ZNF280D: variants seen among roughly 807,000 people sequenced by gnomAD.
ZNF280D encodes the protein zinc finger protein 280D, also known as suppressor of hairy wing homolog 4.
In ZNF280D, 39 loss-of-function variants were observed where a neutral mutation model predicts 94.7. The observed-to-expected ratio is 0.41, with a 90% CI of 0.32 to 0.54. The LOEUF (loss-of-function observed/expected upper bound fraction) is 0.54, where lower values mean the gene tolerates loss of function less well. Among genes scored for constraint, ZNF280D ranks in the 20% least tolerant of loss-of-function variants. The pLI is 0.22. For missense variants in ZNF280D, 1,090 were observed against 1,149.3 expected (o/e 0.95, Z 0.75); for synonymous variants, 398 against 377.6 (o/e 1.05, Z -0.63).
chr15:56,726,993 T>C (rs2058660361), intron 1 of ZNF280D, among the ~76,000 whole-genome samples: 1 of 152,166 alleles, frequency 6.6e-6, no homozygotes, highest in Non-Finnish European at 1.5e-5. Flanking sequence ...TTTATACTAT[T>C]TTAACCCCCC....
At chr15:56,669,512 A>G (rs551505551) in intron 13 of ZNF280D, among the ~76,000 whole-genome samples, 7 of 151,970 alleles carry the variant, frequency 4.6e-5, no homozygotes, top group African/African-American at 1.7e-4. Flanking sequence ...CACTAGCCAC[A>G]TGTGGTTATT....
chr15:56,716,589 G>C (rs2058057835), intron 1 of ZNF280D, among the ~76,000 whole-genome samples: 1 of 151,454 alleles, frequency 6.6e-6, no homozygotes, highest in Non-Finnish European at 1.5e-5. Flanking sequence ...AAGCACCTAT[G>C]GACTGTGTTA....
intron 13 of ZNF280D, among the ~76,000 whole-genome samples, chr15:56,670,004 TATATA>T (rs1202015547): frequency 0.26 from 395 of 1,526 alleles, 126 homozygotes; most frequent in African/African-American, 0.36. Flanking sequence ...ATATTATATA[TATATA>T]ATATATATAT....
At chr15:56,720,976 G>GA (rs1870795388) in intron 1 of ZNF280D, among the ~76,000 whole-genome samples, 1 of 71,156 alleles carries the variant, frequency 1.4e-5, no homozygotes, top group Non-Finnish European at 3.3e-5. Context: ...TTTTTGGGGG[G>GA]GGGGGGGACA....
chr15:56,660,857 T>C (rs1320611848), intron 16 of ZNF280D, among the ~76,000 whole-genome samples: 2 of 152,034 alleles, frequency 1.3e-5, no homozygotes, highest in Non-Finnish European at 2.9e-5. Flanking sequence ...GTAACAACCT[T>C]ACTTTCTAAG....
intron 19 of ZNF280D, among the ~76,000 whole-genome samples, chr15:56,648,009 G>GA (rs1237368476): frequency 2.6e-5 from 4 of 152,162 alleles, no homozygotes; most frequent in Admixed American, 2.0e-4. Context: ...TTGCAGATGA[G>GA]AAAATCTGAG....
intron 9 of ZNF280D, among the ~76,000 whole-genome samples, chr15:56,688,407 C>T (rs937476370): frequency 2.1e-5 from 3 of 145,424 alleles, no homozygotes; most frequent in African/African-American, 5.1e-5. Context: ...AGGAGAATGG[C>T]GTGAACCTGG....
At chr15:56,670,261 A>C (rs1177236331) in intron 13 of ZNF280D, among the ~76,000 whole-genome samples, 2 of 150,080 alleles carry the variant, frequency 1.3e-5, no homozygotes, top group Non-Finnish European at 3.0e-5. Flanking sequence ...TACACAGGTA[A>C]ACGTGTATCC....
intron 1 of ZNF280D, chr15:56,724,760 T>C (rs998425024): frequency 5.8e-5 from 18 of 308,476 alleles, no homozygotes; most frequent in Non-Finnish European, 1.1e-4. Context: ...AATCAAAGAA[T>C]AGAAAGACAT....
intron 6 of ZNF280D, among the ~76,000 whole-genome samples, chr15:56,695,533 CTT>C (rs10652553): frequency 5.7e-5 from 8 of 140,746 alleles, no homozygotes; most frequent in Admixed American, 1.4e-4. Flanking sequence ...CAAAAATTAA[CTT>C]TTTTTTTTTT....
chr15:56,714,634 G>A (rs184177592), intron 1 of ZNF280D, among the ~76,000 whole-genome samples: 1 of 152,178 alleles, frequency 6.6e-6, no homozygotes, highest in East Asian at 1.9e-4. Context: ...AAAAGATAGA[G>A]CAATGAGGCC....
chr15:56,631,767 C>G lies in ZNF280D; in HGVS notation c.2671G>C (p.Val891Leu). 6.2e-7 allele frequency: 1 copy of G among 1,614,170 alleles called. No homozygotes were observed. ...TTTCTCAAAAACTGATCAATGCTTA[C>G]ATTATCTGATGCTAATCGCAAATCC... ...IKDLRLASDN[V>L]SIDQFLRKRH... The change falls in exon 22 of 22, where the codon GTA (valine) becomes CTA (leucine). Residue 891 changes from valine (V) to leucine (L), a missense_variant. Transcript: ENST00000267807.
Position 56,689,384 on chromosome 15 carries a change from T to C in ZNF280D, c.586A>G (p.Ser196Gly), listed in dbSNP as rs770734128. 2 of 1,610,224 alleles carry C rather than the reference T, an allele frequency of 1.2e-6. No homozygotes were observed. Among genetic ancestry groups the C allele is most frequent in the Non-Finnish European group, 8.5e-7 (1 of 1,178,156 alleles). The change falls in exon 8 of 22, where the codon AGT becomes GGT. Residue 196 changes from serine (S) to glycine (G), a missense_variant. Around this residue, in one of 3 missense-constraint regions of ZNF280D, gnomAD observed 386 missense variants for 372.0 expected, o/e 1.04. Coordinates refer to ENST00000267807, the MANE Select transcript of ZNF280D (RefSeq NM_017661.4). ...GCTGAGGAATTTGCTCCAGAAACAC[T>C]TTCGCTGGGTTTAGGCTTCTTTGGA... Reference protein sequence around the residue: ...VNPKKPKPSESVSGANSSAVL... With the variant: ...VNPKKPKPSEGVSGANSSAVL...
chr15:56,633,626 G>A (rs1329347267), intron 21 of ZNF280D, among the ~76,000 whole-genome samples: 1 of 151,918 alleles, frequency 6.6e-6, no homozygotes, highest in Admixed American at 6.6e-5. Context: ...GAATAGCTGG[G>A]ATTACAGGCA....
Position 56,635,154 on chromosome 15 carries a change from A to G in ZNF280D, c.2315+41T>C, listed in dbSNP as rs556730511. The G allele has an allele frequency of 7.0e-6, 9 of 1,279,668 alleles. No homozygotes were observed. In the African/African-American group the frequency reaches 1.1e-4, roughly 15 times the overall value. 79.3% of individuals were successfully genotyped at this position (1,279,668 alleles called of 1,614,324 possible). A position where few individuals can be genotyped will look rare whatever the true frequency, so the allele number is the denominator to read the frequency against. On this transcript the variant is annotated intron_variant, in intron 21 of 21. Coordinates refer to ENST00000267807, the MANE Select transcript of ZNF280D (RefSeq NM_017661.4). ...TAATGCAGCTCAAGTGTTATTTTGTATACTTGAATTTTATGAAATTCAGTT... is the reference window on the plus strand; with the variant it reads ...TAATGCAGCTCAAGTGTTATTTTGTGTACTTGAATTTTATGAAATTCAGTT...
intron 7 of ZNF280D, among the ~76,000 whole-genome samples, chr15:56,689,867 A>G (rs2056321372): frequency 6.6e-6 from 1 of 152,162 alleles, no homozygotes; most frequent in Non-Finnish European, 1.5e-5. Flanking sequence ...TTTGTAAAAA[A>G]ACAACAATTA....
chr15:56,674,598 G>C (rs546907610), intron 13 of ZNF280D, among the ~76,000 whole-genome samples: 5 of 151,932 alleles, frequency 3.3e-5, no homozygotes, highest in Admixed American at 1.3e-4. Context: ...TGTGACATTA[G>C]GCAAGTTACT....
intron 1 of ZNF280D, among the ~76,000 whole-genome samples, chr15:56,725,435 G>T (rs1242254235): frequency 6.6e-6 from 1 of 152,106 alleles, no homozygotes; most frequent in African/African-American, 2.4e-5. Context: ...CAAAAAAAGT[G>T]TATTTCTCAA....
At chr15:56,722,680 A>C (rs550353178) in intron 1 of ZNF280D, among the ~76,000 whole-genome samples, 1 of 152,192 alleles carries the variant, frequency 6.6e-6, no homozygotes, top group Non-Finnish European at 1.5e-5. Flanking sequence ...CGATTCCTCA[A>C]GGATCTAGAA....
Sources: gnomAD v4.1 joint callset for allele counts (sites outside exome capture counted in the v4.1 genomes callset) on GRCh38, gnomAD v4.1.1 for gene constraint, gnomAD v4.1.1 regional missense constraint, MANE v1.5 for transcripts, NCBI Gene and HGNC (gene_info 2026-07-23, HGNC 2026-07-21) for gene names.